The following L3MBTL4 variants were observed in gnomAD, a reference collection of about 807,000 sequenced individuals.
L3MBTL4 encodes lethal(3)malignant brain tumor-like protein 4.
Under a neutral mutation model 84.5 loss-of-function variants are expected in L3MBTL4, and 70 were observed. That is an observed-to-expected ratio of 0.83 (90% CI 0.68 to 1.01). The LOEUF (loss-of-function observed/expected upper bound fraction) is 1.01, where lower values mean the gene tolerates loss of function less well. L3MBTL4 is among the 50% of genes least tolerant of loss of function. The pLI, the probability that L3MBTL4 is intolerant of heterozygous loss-of-function variation, is 0.00. For synonymous variants in L3MBTL4, 274 were observed against 259.8 expected, an observed-to-expected ratio of 1.05 and a Z score of -0.52; for missense variants, 715 against 754.8, an observed-to-expected ratio of 0.95 and a Z score of 0.62.
intron 13 of L3MBTL4, among the ~76,000 whole-genome samples, chr18:6,164,917 A>T (rs553016225): frequency 2.6e-5 from 4 of 152,344 alleles, no homozygotes; most frequent in Admixed American, 1.3e-4. Flanking sequence ...AATGGCAAAG[A>T]AGTTAAAAAC....
intron 15 of L3MBTL4, among the ~76,000 whole-genome samples, chr18:6,082,969 C>A (rs770436260): frequency 6.6e-6 from 1 of 152,106 alleles, no homozygotes; most frequent in Non-Finnish European, 1.5e-5. Context: ...AAAAACTCTA[C>A]AAGGTTGGGA....
At chr18:6,342,720 G>T (rs533728188) in intron 1 of L3MBTL4, among the ~76,000 whole-genome samples, 26 of 152,138 alleles carry the variant, frequency 1.7e-4, no homozygotes, top group African/African-American at 6.0e-4. Flanking sequence ...AATATTTTTA[G>T]TAAGTCCTTG....
At chr18:6,110,269 A>C (rs1018556010) in intron 14 of L3MBTL4, among the ~76,000 whole-genome samples, 1 of 152,102 alleles carries the variant, frequency 6.6e-6, no homozygotes. Context: ...TCATCTGTAC[A>C]TTTATGAGAG....
intron 4 of L3MBTL4, among the ~76,000 whole-genome samples, chr18:6,268,607 T>C (rs962596422): frequency 3.3e-5 from 5 of 152,206 alleles, no homozygotes; most frequent in African/African-American, 9.6e-5. Flanking sequence ...ACTACAGATA[T>C]GGCACTCATT....
At chr18:6,214,728 C>T (rs1043147363) in intron 11 of L3MBTL4, among the ~76,000 whole-genome samples, 7 of 152,154 alleles carry the variant, frequency 4.6e-5, no homozygotes, top group African/African-American at 1.7e-4. Context: ...ACATCACTGT[C>T]CTGAACAACA....
At chr18:6,193,609 C>CT (rs1161411678) in intron 12 of L3MBTL4, among the ~76,000 whole-genome samples, 1 of 152,176 alleles carries the variant, frequency 6.6e-6, no homozygotes, top group Non-Finnish European at 1.5e-5. Flanking sequence ...GGTGACCTTG[C>CT]AGTCTGGGCT....
chr18:6,368,399 CAT>C (rs2054019414), intron 1 of L3MBTL4, among the ~76,000 whole-genome samples: 1 of 152,162 alleles, frequency 6.6e-6, no homozygotes, highest in Non-Finnish European at 1.5e-5. Flanking sequence ...CTTGACTACC[CAT>C]TGGATTATCT....
intron 16 of L3MBTL4, among the ~76,000 whole-genome samples, chr18:6,062,890 T>G (rs1437640993): frequency 6.6e-6 from 1 of 151,864 alleles, no homozygotes; most frequent in Non-Finnish European, 1.5e-5. Flanking sequence ...TACATGGATG[T>G]TTTTTAGTGG....
chr18:6,046,071 A>C (rs1302655528), intron 16 of L3MBTL4, among the ~76,000 whole-genome samples: 2 of 152,184 alleles, frequency 1.3e-5, no homozygotes, highest in Non-Finnish European at 2.9e-5. Context: ...AAACAAAAAT[A>C]ATATAAGAAT....
In L3MBTL4 at chr18:6,295,676, T is replaced by C. The variant is rs539670773; in HGVS notation, c.127+6227A>G. Among the ~76,000 whole-genome samples, 9 of 152,234 alleles carry C rather than the reference T, an allele frequency of 5.9e-5. 2 individuals are homozygous for C. The South Asian group carries it at 1.9e-3, about 32-fold the overall frequency. On this transcript the variant is annotated intron_variant, in intron 4 of 18. Coordinates refer to ENST00000317931, the MANE Select transcript of L3MBTL4 (RefSeq NM_001330559.2). ...TTAAAATGCACGTGGAGGCTTCAAT[T>C]ATTGAAGTGCCCCTGCAAAAAGTTC...
chr18:6,022,464 G>C (rs895772105), intron 16 of L3MBTL4, among the ~76,000 whole-genome samples: 1 of 152,180 alleles, frequency 6.6e-6, no homozygotes, highest in African/African-American at 2.4e-5. Context: ...ATCTGATCAT[G>C]TACCTCTGGG....
At chr18:6,104,606 T>C (rs1368914687) in intron 14 of L3MBTL4, among the ~76,000 whole-genome samples, 1 of 152,134 alleles carries the variant, frequency 6.6e-6, no homozygotes, top group Non-Finnish European at 1.5e-5. Flanking sequence ...GTTCAACAGG[T>C]ATAAAGTTTT....
chr18:6,240,656 C>T (rs138721234), intron 8 of L3MBTL4, among the ~76,000 whole-genome samples: 2 of 152,268 alleles, frequency 1.3e-5, no homozygotes, highest in African/African-American at 2.4e-5. Flanking sequence ...TTTTATTCTC[C>T]TTCAGCACAT....
intron 1 of L3MBTL4, among the ~76,000 whole-genome samples, chr18:6,362,932 C>A (rs2053772321): frequency 6.6e-6 from 1 of 152,232 alleles, no homozygotes; most frequent in South Asian, 2.1e-4. Flanking sequence ...TTTCAGTCGC[C>A]ATACTCTGAT....
At chr18:6,283,115 C>T (rs66850715) in intron 4 of L3MBTL4, among the ~76,000 whole-genome samples, 26,390 of 152,082 alleles carry the variant, frequency 0.17, 2,345 homozygotes, top group East Asian at 0.23. Flanking sequence ...ATAATTAACA[C>T]ATTTCTCATG....
intron 1 of L3MBTL4, among the ~76,000 whole-genome samples, chr18:6,412,060 G>A (rs1335062998): frequency 6.6e-6 from 1 of 151,988 alleles, no homozygotes; most frequent in Non-Finnish European, 1.5e-5. Flanking sequence ...TTGTTTCCTG[G>A]GGGTTTGTTG....
intron 16 of L3MBTL4, among the ~76,000 whole-genome samples, chr18:6,021,118 G>A (rs1598455656): frequency 6.6e-6 from 1 of 152,162 alleles, no homozygotes; most frequent in African/African-American, 2.4e-5. Context: ...CGGGCCCAAC[G>A]CTTTTCCACG....
At chr18:6,365,860 T>A (rs1027796197) in intron 1 of L3MBTL4, among the ~76,000 whole-genome samples, 1 of 151,254 alleles carries the variant, frequency 6.6e-6, no homozygotes, top group Non-Finnish European at 1.5e-5. Context: ...TTACCTAAGC[T>A]GAATTCACTT....
chr18:6,202,484 G>C (rs1484780818), intron 12 of L3MBTL4, among the ~76,000 whole-genome samples: 1 of 152,148 alleles, frequency 6.6e-6, no homozygotes, highest in Non-Finnish European at 1.5e-5. Flanking sequence ...AAGATTGAGA[G>C]GGTCTGCAGC....
Sources: gnomAD v4.1 joint callset for allele counts (sites outside exome capture counted in the v4.1 genomes callset) on GRCh38, gnomAD v4.1.1 for gene constraint, MANE v1.5 for transcripts, NCBI Gene and HGNC (gene_info 2026-07-23, HGNC 2026-07-21) for gene names.